Variants in ETV1 observed in about 807,000 individuals in gnomAD.
The protein encoded by ETV1 is ETS variant transcription factor 1.
Under a neutral mutation model 62.3 loss-of-function variants are expected in ETV1, and 27 were observed. The ratio of observed to expected loss-of-function variants is 0.43; its 90% CI spans 0.32 to 0.60. The LOEUF is 0.60. ETV1 is among the 20% of genes least tolerant of loss of function. ETV1 has a pLI of 0.06. For missense variants in ETV1, 605 were observed against 605.8 expected (o/e 1.00, Z 0.01); for synonymous variants, 222 against 199.6 (o/e 1.11, Z -0.94).
intron 9 of ETV1, among the ~76,000 whole-genome samples, chr7:13,925,567 A>AT (rs143947960): frequency 0.013 from 1,810 of 143,130 alleles, 25 homozygotes; most frequent in African/African-American, 0.025. Context: ...ACATTAATTG[A>AT]TTTTTTTTTT....
chr7:13,909,841 T>C (rs1783385211), intron 10 of ETV1, 141 bp from the exon 11 acceptor site: 2 of 684,964 alleles, frequency 2.9e-6, no homozygotes, highest in Non-Finnish European at 5.1e-6. Context: ...GGACACATTA[T>C]TTAACCTCTG....
rs1323512262 is a variant in ETV1 at position 13,977,300 on chromosome 7, G to C, written c.235+127C>G. 7 of 590,378 alleles carry C rather than the reference G, an allele frequency of 1.2e-5. No individual in the cohort carries two copies. In the East Asian group the frequency reaches 1.2e-4, roughly 10 times the overall value. 36.6% of individuals were successfully genotyped at this position (590,378 alleles called of 1,614,324 possible). ...TAACAAATCAAATCATCTTATGGCTGTAAGTTAAAAAGGTGCTGGTACAAT... is the reference window on the plus strand; with the variant it reads ...TAACAAATCAAATCATCTTATGGCTCTAAGTTAAAAAGGTGCTGGTACAAT... On this transcript the variant is annotated intron_variant, in intron 6 of 13. Coordinates refer to ENST00000430479, the MANE Select transcript of ETV1 (RefSeq NM_004956.5).
At chr7:13,973,744 T>G (rs1781133335) in intron 6 of ETV1, among the ~76,000 whole-genome samples, 1 of 152,214 alleles carries the variant, frequency 6.6e-6, no homozygotes, top group Admixed American at 6.5e-5. Context: ...AAAGCCATAT[T>G]TGTTAAACTG....
intron 12 of ETV1, among the ~76,000 whole-genome samples, chr7:13,904,241 C>T (rs140104431): frequency 5.2e-4 from 79 of 152,302 alleles, no homozygotes; most frequent in Middle Eastern, 3.4e-3. Context: ...CCTTAGGAGA[C>T]ATTCAGTGCT....
intron 11 of ETV1, among the ~76,000 whole-genome samples, chr7:13,906,837 T>C (rs920047209): frequency 1.3e-5 from 2 of 152,176 alleles, no homozygotes; most frequent in Non-Finnish European, 2.9e-5. Context: ...ATAAATCCTG[T>C]GTCAATATGA....
intron 9 of ETV1, among the ~76,000 whole-genome samples, chr7:13,913,223 C>G (rs142949196): frequency 1.3e-5 from 2 of 152,316 alleles, no homozygotes; most frequent in African/African-American, 4.8e-5. Flanking sequence ...ACAACCGTAA[C>G]AAGCTGTAGT....
intron 4 of ETV1, chr7:13,987,078 G>A (rs1782614272): frequency 1.1e-5 from 2 of 178,192 alleles, no homozygotes; most frequent in South Asian, 1.4e-4. Flanking sequence ...TAGAAAGACT[G>A]AAAAGCATTT....
At chr7:13,931,953 G>A (rs1043146951) in intron 8 of ETV1, among the ~76,000 whole-genome samples, 1 of 151,816 alleles carries the variant, frequency 6.6e-6, no homozygotes, top group Non-Finnish European at 1.5e-5. Context: ...TTTCTAATCA[G>A]TCTTTTGCAG....
rs143483903 is a variant in ETV1 at position 13,986,322 on chromosome 7, T to G, written c.181+316A>C. 5.5e-5 allele frequency: 82 copies of G among 1,497,472 alleles called. No individual in the cohort carries two copies. The East Asian group carries it at 1.6e-3, about 30-fold the overall frequency. The allele number at this position is 1,497,472 out of a possible 1,614,324, so 92.8% of individuals were successfully genotyped here. ...GGAGGTCTCTGGAGGTACAATAATA[T>G]AAACCTGATCAATTGCAATTAAAAT... is the stretch of plus-strand genomic sequence containing the variant. On this transcript the variant is annotated intron_variant, in intron 5 of 13. Transcript: ENST00000430479.
intron 9 of ETV1, among the ~76,000 whole-genome samples, chr7:13,911,892 C>T (rs1346621519): frequency 1.3e-5 from 2 of 152,118 alleles, no homozygotes; most frequent in African/African-American, 4.8e-5. Flanking sequence ...TTTTGGGTTA[C>T]CAAATAGTTA....
intron 5 of ETV1, among the ~76,000 whole-genome samples, chr7:13,983,255 C>T (rs1417614852): frequency 1.3e-5 from 2 of 152,134 alleles, no homozygotes; most frequent in South Asian, 2.1e-4. Flanking sequence ...AGCAGCTACA[C>T]ATTTACATCA....
intron 9 of ETV1, among the ~76,000 whole-genome samples, chr7:13,915,501 CT>C (rs1391106070): frequency 1.3e-5 from 2 of 152,278 alleles, no homozygotes; most frequent in South Asian, 2.1e-4. Flanking sequence ...CTCTTTTAAA[CT>C]TAGTACTTCA....
intron 9 of ETV1, among the ~76,000 whole-genome samples, chr7:13,921,967 A>G (rs1784896256): frequency 6.6e-6 from 1 of 152,216 alleles, no homozygotes; most frequent in African/African-American, 2.4e-5. Flanking sequence ...CTGAAAATGA[A>G]TATCTTCAAA....
intron 6 of ETV1, among the ~76,000 whole-genome samples, chr7:13,947,392 C>CAAAAAAAAAAAAAAAAAAAAAAA (rs11352949): frequency 1.2e-5 from 1 of 86,492 alleles, no homozygotes; most frequent in Non-Finnish European, 2.3e-5. Context: ...ACTAACTATA[C>CAAAAAAAAAAAAAAAAAAAAAAA]AAAAAAAAAA....
chr7:13,961,114 C>A (rs1460441438), intron 6 of ETV1, among the ~76,000 whole-genome samples: 1 of 151,356 alleles, frequency 6.6e-6, no homozygotes, highest in East Asian at 1.9e-4. Flanking sequence ...CCACTGCACT[C>A]CAGCCTGGAA....
chr7:13,936,020 G>A (rs1786771722), intron 7 of ETV1, 124 bp from the exon 8 acceptor site: 2 of 721,862 alleles, frequency 2.8e-6, no homozygotes, highest in African/African-American at 1.8e-5. Context: ...AAACTTTGTT[G>A]TTGCTATTGT....
intron 6 of ETV1, among the ~76,000 whole-genome samples, chr7:13,960,663 C>T (rs1790063702): frequency 6.6e-6 from 1 of 152,012 alleles, no homozygotes; most frequent in African/African-American, 2.4e-5. Context: ...TCACATGTTG[C>T]CATGTGAGCT....
intron 9 of ETV1, among the ~76,000 whole-genome samples, chr7:13,929,460 A>C (rs10242994): frequency 0.15 from 23,032 of 152,134 alleles, 1,912 homozygotes; most frequent in East Asian, 0.26. Flanking sequence ...AATCTCTAAA[A>C]TGAGCCTGGA....
intron 5 of ETV1, among the ~76,000 whole-genome samples, chr7:13,983,596 A>T (rs1782215694): frequency 6.9e-6 from 1 of 145,378 alleles, no homozygotes; most frequent in South Asian, 2.1e-4. Context: ...CTATGGCAAC[A>T]TTTTAAAATT....
Sources: gnomAD v4.1 joint callset for allele counts (sites outside exome capture counted in the v4.1 genomes callset) on GRCh38, gnomAD v4.1.1 for gene constraint, MANE v1.5 for transcripts, NCBI Gene and HGNC (gene_info 2026-07-23, HGNC 2026-07-21) for gene names.